Variants in FHIP1A observed in about 807,000 individuals in gnomAD.
FHIP1A encodes the protein FHF complex subunit HOOK-interacting protein 1A.
Under a neutral mutation model 88.6 loss-of-function variants are expected in FHIP1A, and 61 were observed. The ratio of observed to expected loss-of-function variants is 0.69; its 90% CI spans 0.56 to 0.85. The LOEUF is 0.85. Among genes scored for constraint, FHIP1A ranks in the 40% least tolerant of loss-of-function variants. The pLI is 0.00. For missense variants in FHIP1A, 1,154 were observed against 1,273.5 expected, an observed-to-expected ratio of 0.91 and a Z score of 1.43; for synonymous variants, 478 against 496.0, an observed-to-expected ratio of 0.96 and a Z score of 0.48.
chr4:151,577,352 C>A, intron 4 of FHIP1A, 98 bp from the exon 5 acceptor site: 1 of 1,160,344 alleles, frequency 8.6e-7, no homozygotes. Context: ...GGCAGTGGCT[C>A]CTGCATTTTT....
intron 10 of FHIP1A, among the ~76,000 whole-genome samples, chr4:151,647,164 A>G (rs1736829553): frequency 1.3e-5 from 2 of 152,212 alleles, no homozygotes; most frequent in African/African-American, 4.8e-5. Flanking sequence ...ATATATCACT[A>G]TAAAACTTGA....
intron 3 of FHIP1A, among the ~76,000 whole-genome samples, chr4:151,526,620 C>T (rs1442475850): frequency 1.3e-5 from 2 of 150,020 alleles, no homozygotes; most frequent in African/African-American, 4.9e-5. Flanking sequence ...GGGCTGATCC[C>T]CCCACCTCCC....
Position 151,604,607 on chromosome 4 carries a change from G to A in FHIP1A, c.978+15681G>A, listed in dbSNP as rs557707480. Reference sequence around the variant, plus strand: ...CTCACGCCTGTAATCCCAGCACTTCGGGAGACTGAGGAGGGCACATCACCT... The same window carrying A: ...CTCACGCCTGTAATCCCAGCACTTCAGGAGACTGAGGAGGGCACATCACCT... On this transcript the variant is annotated intron_variant, in intron 7 of 13. Coordinates refer to ENST00000435205, the MANE Select transcript of FHIP1A (RefSeq NM_001109977.3). Among the ~76,000 whole-genome samples, 467 of 152,126 alleles carry A rather than the reference G, an allele frequency of 3.1e-3. 3 individuals carry two copies. Among genetic ancestry groups the A allele is most frequent in the Non-Finnish European group, 3.8e-3 (261 of 68,002 alleles).
At chr4:151,489,774 T>C (rs1310858867) in intron 3 of FHIP1A, among the ~76,000 whole-genome samples, 1 of 152,120 alleles carries the variant, frequency 6.6e-6, no homozygotes, top group Non-Finnish European at 1.5e-5. Flanking sequence ...TCTATTGGCC[T>C]GAGAACTACC....
chr4:151,660,446 TG>T (rs1737414839), intron 13 of FHIP1A, among the ~76,000 whole-genome samples: 1 of 152,000 alleles, frequency 6.6e-6, no homozygotes, highest in African/African-American at 2.4e-5. Flanking sequence ...TGAAGGAGAA[TG>T]GGGAGAGGAA....
chr4:151,523,878 T>G (rs1731536126), intron 3 of FHIP1A, among the ~76,000 whole-genome samples: 1 of 152,186 alleles, frequency 6.6e-6, no homozygotes, highest in African/African-American at 2.4e-5. Context: ...GTGCAGCCCT[T>G]CCATTGATCC....
At chr4:151,618,632 C>T (rs1735630712) in intron 7 of FHIP1A, among the ~76,000 whole-genome samples, 1 of 152,168 alleles carries the variant, frequency 6.6e-6, no homozygotes, top group Non-Finnish European at 1.5e-5. Flanking sequence ...TCACAGAAGC[C>T]TTCACATCTC....
chr4:151,413,458 C>T (rs1732756344), intron 1 of FHIP1A, among the ~76,000 whole-genome samples: 1 of 151,992 alleles, frequency 6.6e-6, no homozygotes, highest in Non-Finnish European at 1.5e-5. Flanking sequence ...CTTTATTTTA[C>T]TTTATTTATT....
intron 3 of FHIP1A, among the ~76,000 whole-genome samples, chr4:151,525,760 T>C (rs1008741277): frequency 6.6e-5 from 10 of 152,160 alleles, no homozygotes; most frequent in African/African-American, 2.4e-4. Flanking sequence ...TTTTTTTTTT[T>C]TCATTTTTAA....
At chr4:151,546,441 C>T (rs2126736272) in intron 3 of FHIP1A, among the ~76,000 whole-genome samples, 1 of 152,308 alleles carries the variant, frequency 6.6e-6, no homozygotes, top group South Asian at 2.1e-4. Flanking sequence ...AGCTAAGTCC[C>T]CTGGTAAATA....
intron 3 of FHIP1A, among the ~76,000 whole-genome samples, chr4:151,518,758 C>G (rs1731346926): frequency 6.6e-6 from 1 of 150,894 alleles, no homozygotes; most frequent in South Asian, 2.1e-4. Context: ...CTCCTGAGCT[C>G]AAGTGATCCT....
chr4:151,554,394 A>T (rs530950695), intron 3 of FHIP1A, among the ~76,000 whole-genome samples: 6 of 152,170 alleles, frequency 3.9e-5, no homozygotes, highest in Non-Finnish European at 8.8e-5. Flanking sequence ...AAATCAATAC[A>T]TGAATAACAT....
chr4:151,622,497 C>T (rs2126866232), intron 7 of FHIP1A, among the ~76,000 whole-genome samples: 1 of 152,224 alleles, frequency 6.6e-6, no homozygotes, highest in Admixed American at 6.5e-5. Context: ...TCTCTCCAGC[C>T]TTCTGGTGAT....
At position 151,505,422 on chromosome 4, in the gene FHIP1A, C is replaced by T. The variant is rs139953853; in HGVS notation, c.-123+22774C>T. On this transcript the variant is annotated intron_variant, in intron 3 of 13. Transcript: ENST00000435205. ...CAAATGGCAATGAGGGAAAAACATT[C>T]AGGACACCCATAATCATTACCTATT... is the stretch of plus-strand genomic sequence containing the variant. Among the ~76,000 whole-genome samples the T allele has an allele frequency of 3.9e-5, 6 of 152,298 alleles. No homozygotes were observed. The East Asian group carries it at 9.7e-4, about 25-fold the overall frequency.
intron 3 of FHIP1A, among the ~76,000 whole-genome samples, chr4:151,563,666 G>C (rs534530049): frequency 3.7e-4 from 56 of 152,182 alleles, no homozygotes; most frequent in African/African-American, 1.3e-3. Flanking sequence ...ATTGGACTGG[G>C]AATATAGAGA....
In FHIP1A at chr4:151,656,510, T is replaced by A; in HGVS notation, c.2730+100T>A. On this transcript the variant is annotated intron_variant, in intron 12 of 13. Transcript: ENST00000435205. This position sits in a 1 kb window ranked among gnomAD's most constrained non-coding sequence, Gnocchi z 4.2. The stretch of plus-strand genomic sequence containing the variant: ...TTTTGTTTTTCAAAAATTCCTTTGC[T>A]CTAATTCATTTGCTTTCCTTCCCTG... 1 of 1,254,032 alleles carries A rather than the reference T, an allele frequency of 8.0e-7. No individual in the cohort carries two copies. Among genetic ancestry groups the A allele is most frequent in the African/African-American group, 1.5e-5 (1 of 66,512 alleles). The allele number at this position is 1,254,032 out of a possible 1,614,324, so 77.7% of individuals were successfully genotyped here.
intron 7 of FHIP1A, among the ~76,000 whole-genome samples, chr4:151,619,300 T>C (rs1475997489): frequency 6.6e-6 from 1 of 152,244 alleles, no homozygotes; most frequent in African/African-American, 2.4e-5. Flanking sequence ...AAAAATTAAA[T>C]GTTAGTGTTG....
intron 1 of FHIP1A, among the ~76,000 whole-genome samples, chr4:151,411,455 T>C (rs1732644466): frequency 6.6e-6 from 1 of 151,306 alleles, no homozygotes; most frequent in South Asian, 2.1e-4. Context: ...GCTCAGGCAG[T>C]CCTCCCACCT....
intron 2 of FHIP1A, among the ~76,000 whole-genome samples, chr4:151,458,769 G>A (rs755986337): frequency 1.3e-5 from 2 of 152,180 alleles, no homozygotes; most frequent in African/African-American, 2.4e-5. Flanking sequence ...TAGTCTGGGC[G>A]CAAGGGACTG....
Sources: gnomAD v4.1 joint callset for allele counts (sites outside exome capture counted in the v4.1 genomes callset) on GRCh38, gnomAD v4.1.1 for gene constraint, Gnocchi (gnomAD v3.1) non-coding constraint, MANE v1.5 for transcripts, NCBI Gene and HGNC (gene_info 2026-07-23, HGNC 2026-07-21) for gene names.